Variants in SARNP observed in about 807,000 individuals in gnomAD.
SARNP encodes SAP domain-containing ribonucleoprotein.
In SARNP, 5 loss-of-function variants were observed where a neutral mutation model predicts 38.1. The observed-to-expected ratio is 0.13, with a 90% CI of 0.07 to 0.28. The LOEUF is 0.28. Among genes scored for constraint, SARNP ranks in the 10% least tolerant of loss-of-function variants. The pLI is 1.00. For synonymous variants in SARNP, 84 were observed against 80.6 expected, an observed-to-expected ratio of 1.04 and a Z score of -0.23; for missense variants, 180 against 243.9, an observed-to-expected ratio of 0.74 and a Z score of 1.75.
chr12:55,790,445 C>T (rs1274699795), intron 8 of SARNP, 122 bp downstream of exon 8: 2 of 1,114,410 alleles, frequency 1.8e-6, no homozygotes, highest in African/African-American at 1.6e-5. Flanking sequence ...CAACATTGTA[C>T]TGAAAAGAGT....
intron 9 of SARNP, among the ~76,000 whole-genome samples, chr12:55,766,778 A>G (rs1878849585): frequency 6.6e-6 from 1 of 151,962 alleles, no homozygotes; most frequent in African/African-American, 2.4e-5. Flanking sequence ...GCAAGCCAAC[A>G]CGCCCAACTA....
intron 9 of SARNP, among the ~76,000 whole-genome samples, chr12:55,778,124 T>A (rs535410319): frequency 2.6e-4 from 40 of 152,124 alleles, no homozygotes; most frequent in African/African-American, 9.7e-4. Context: ...TCAGAGAGTT[T>A]CCCCCATTGT....
chr12:55,789,080 TG>T lies in SARNP; in HGVS notation c.495del (p.Arg166GlufsTer9). 1 of 1,602,906 alleles carries T rather than the reference TG, an allele frequency of 6.2e-7. No individual in the cohort carries two copies. On this transcript the variant is annotated frameshift_variant, in exon 9 of 11. Transcript: ENST00000336133. LOFTEE classifies it high-confidence loss of function. ...QRFGLNVSSI[S>X]RKSEDDEKLK... ...TTCCATCGAGCCTACATTACCTTTC[TG>T]GAGATTGAAGAGACATTCAAACCAA... is the stretch of plus-strand genomic sequence containing the variant.
intron 9 of SARNP, among the ~76,000 whole-genome samples, chr12:55,772,229 C>A (rs1034838854): frequency 6.6e-6 from 1 of 152,130 alleles, no homozygotes; most frequent in African/African-American, 2.4e-5. Context: ...ACATAACACA[C>A]CTCCCCAATA....
At chr12:55,815,670 C>T (rs1248379159) in intron 1 of SARNP, among the ~76,000 whole-genome samples, 1 of 152,038 alleles carries the variant, frequency 6.6e-6, no homozygotes, top group Admixed American at 6.5e-5. Context: ...CGCCATGTTG[C>T]CCAGGCTGGT....
intron 1 of SARNP, among the ~76,000 whole-genome samples, chr12:55,808,208 C>T (rs1407884100): frequency 1.3e-5 from 2 of 151,698 alleles, no homozygotes; most frequent in East Asian, 3.9e-4. Context: ...AGAGGCTGGG[C>T]ATGGTGGCTC....
Position 55,774,558 on chromosome 12 carries a change from TGAAA to T in SARNP, c.502-13922_502-13919del, listed in dbSNP as rs1287663493. Among the ~76,000 whole-genome samples, 12 of 40,524 alleles carry T rather than the reference TGAAA, an allele frequency of 3.0e-4. 2 individuals are homozygous for T. The highest frequency in any genetic ancestry group is 5.3e-4 in the African/African-American group (12 of 22,452). 26.6% of individuals were successfully genotyped at this position (40,524 alleles called of 152,430 possible). On this transcript the variant is annotated intron_variant, in intron 9 of 10. Coordinates refer to ENST00000336133, the MANE Select transcript of SARNP (RefSeq NM_033082.4). ...CGACACGGTGAAACCCCGTCTCTACTGAAAAAAAAAAAAAAACAAACAAAAAAAA... is the reference window on the plus strand; with the variant it reads ...CGACACGGTGAAACCCCGTCTCTACTAAAAAAAAAAAACAAACAAAAAAAA...
chr12:55,801,637 G>A (rs1330275947), intron 2 of SARNP, among the ~76,000 whole-genome samples: 1 of 151,998 alleles, frequency 6.6e-6, no homozygotes, highest in Non-Finnish European at 1.5e-5. Context: ...TGTTTTTGTT[G>A]AGACAGAGTC....
chr12:55,781,202 T>A (rs1258322778), intron 9 of SARNP, among the ~76,000 whole-genome samples: 1 of 152,200 alleles, frequency 6.6e-6, no homozygotes, highest in East Asian at 1.9e-4. Context: ...CTGGTGGCTA[T>A]CTGTACTTTG....
intron 1 of SARNP, among the ~76,000 whole-genome samples, chr12:55,809,191 G>A (rs184230189): frequency 6.6e-6 from 1 of 152,012 alleles, no homozygotes; most frequent in Non-Finnish European, 1.5e-5. Context: ...GGGTAACAAA[G>A]GGAGACCCTA....
At chr12:55,809,275 A>G (rs1273296371) in intron 1 of SARNP, among the ~76,000 whole-genome samples, 2 of 151,684 alleles carry the variant, frequency 1.3e-5, no homozygotes, top group Non-Finnish European at 2.9e-5. Context: ...TATCTCAGTA[A>G]GGCTATTGAA....
intron 9 of SARNP, among the ~76,000 whole-genome samples, chr12:55,772,351 C>T (rs910963001): frequency 6.6e-6 from 1 of 152,114 alleles, no homozygotes; most frequent in African/African-American, 2.4e-5. Context: ...TTAGAGAACA[C>T]CAGGAATTGC....
At chr12:55,754,253 A>C (rs1003708592), downstream of SARNP, 4 of 152,158 alleles carry the variant, frequency 2.6e-5, no homozygotes, top group African/African-American at 9.7e-5. Flanking sequence ...TGTTTCCTAT[A>C]TTGAGAGAAC....
At chr12:55,781,398 G>A (rs1249263135) in intron 9 of SARNP, among the ~76,000 whole-genome samples, 1 of 152,032 alleles carries the variant, frequency 6.6e-6, no homozygotes, top group East Asian at 1.9e-4. Flanking sequence ...GCCAGGCGTT[G>A]TGGCGGGTGA....
intron 4 of SARNP, among the ~76,000 whole-genome samples, chr12:55,796,623 G>C (rs569834237): frequency 2.0e-5 from 3 of 151,834 alleles, no homozygotes; most frequent in East Asian, 3.9e-4. Flanking sequence ...GGCTAGTCAC[G>C]AACTCCTGGC....
At chr12:55,762,305 CTT>C (rs199874808) in intron 9 of SARNP, among the ~76,000 whole-genome samples, 39 of 137,170 alleles carry the variant, frequency 2.8e-4, no homozygotes, top group Admixed American at 2.9e-4. Flanking sequence ...TTCAAACAAA[CTT>C]TTTTTTTTTT....
chr12:55,811,142 T>G (rs189648649), intron 1 of SARNP, among the ~76,000 whole-genome samples: 1 of 152,286 alleles, frequency 6.6e-6, no homozygotes, highest in Admixed American at 6.5e-5. Context: ...GTAAATTCTT[T>G]GAAGGCAGAG....
intron 1 of SARNP, 65 bp from the exon 2 acceptor site, chr12:55,803,793 G>C: frequency 9.6e-7 from 1 of 1,040,328 alleles, no homozygotes; most frequent in East Asian, 2.4e-5. Context: ...TAAAATGGTA[G>C]TTCCCACAAG....
downstream of SARNP, chr12:55,756,818 C>A (rs1878518904): frequency 6.6e-6 from 1 of 152,240 alleles, no homozygotes; most frequent in African/African-American, 2.4e-5. Flanking sequence ...CCTTCCTGAA[C>A]TGACTGACCA....
Sources: gnomAD v4.1 joint callset for allele counts (sites outside exome capture counted in the v4.1 genomes callset) on GRCh38, gnomAD v4.1.1 for gene constraint, MANE v1.5 for transcripts, NCBI Gene and HGNC (gene_info 2026-07-23, HGNC 2026-07-21) for gene names.